MCTP2: variants seen among roughly 807,000 people sequenced by gnomAD.
MCTP2 encodes multiple C2 and transmembrane domain containing 2, also known as multiple C2 and transmembrane domain-containing protein 2.
Under a neutral mutation model 111.6 loss-of-function variants are expected in MCTP2, and 132 were observed. The observed-to-expected ratio is 1.18, with a 90% CI of 1.03 to 1.37. The LOEUF is 1.37. Among genes scored for constraint, MCTP2 ranks in the 40% most tolerant of loss-of-function variants. The pLI is 0.00. For synonymous variants in MCTP2, 395 were observed against 387.7 expected (o/e 1.02, Z -0.22); for missense variants, 1,183 against 1,067.9 (o/e 1.11, Z -1.50).
chr15:94,418,525 C>A (rs1236236483), intron 17 of MCTP2, among the ~76,000 whole-genome samples: 1 of 152,082 alleles, frequency 6.6e-6, no homozygotes, highest in African/African-American at 2.4e-5. Context: ...TGATTCTAGA[C>A]CTGAAATTAT....
At chr15:94,353,280 G>A (rs2078416044) in intron 8 of MCTP2, among the ~76,000 whole-genome samples, 1 of 152,176 alleles carries the variant, frequency 6.6e-6, no homozygotes, top group Non-Finnish European at 1.5e-5. Flanking sequence ...TGCAGCGAGT[G>A]TCCATGGATA....
chr15:94,319,212 G>A (rs770062010), intron 4 of MCTP2, among the ~76,000 whole-genome samples: 4 of 152,118 alleles, frequency 2.6e-5, no homozygotes, highest in African/African-American at 4.8e-5. Flanking sequence ...ATGATCTTGA[G>A]CCTGCTCAGG....
chr15:94,311,394 TTCTTC>T (rs1390063610), intron 2 of MCTP2, among the ~76,000 whole-genome samples: 1 of 152,172 alleles, frequency 6.6e-6, no homozygotes, highest in East Asian at 1.9e-4. Context: ...TAAATATTAA[TTCTTC>T]TCTTTTTAAT....
intron 2 of MCTP2, among the ~76,000 whole-genome samples, chr15:94,303,544 G>A (rs2075744569): frequency 6.6e-6 from 1 of 152,046 alleles, no homozygotes; most frequent in African/African-American, 2.4e-5. Flanking sequence ...TAATCAAGTT[G>A]ACATTCAGTA....
At chr15:94,263,422 T>C (rs1453319543) in intron 1 of MCTP2, among the ~76,000 whole-genome samples, 1 of 152,218 alleles carries the variant, frequency 6.6e-6, no homozygotes, top group Non-Finnish European at 1.5e-5. Flanking sequence ...TAATAGATAA[T>C]GGTATTGTGT....
At chr15:94,365,928 G>A (rs2079159244) in intron 10 of MCTP2, among the ~76,000 whole-genome samples, 2 of 152,134 alleles carry the variant, frequency 1.3e-5, no homozygotes, top group Non-Finnish European at 2.9e-5. Context: ...CCATAAGAAA[G>A]AGCTTTACTA....
chr15:94,375,765 G>A (rs1027637746), intron 12 of MCTP2, among the ~76,000 whole-genome samples: 2 of 152,098 alleles, frequency 1.3e-5, no homozygotes, highest in African/African-American at 4.8e-5. Flanking sequence ...GTTTCCAGAC[G>A]AGAAATCTAG....
At chr15:94,340,661 CTGTTT>C in intron 6 of MCTP2, 147 bp from the exon 7 acceptor site, 5 of 555,630 alleles carry the variant, frequency 9.0e-6, no homozygotes, top group Non-Finnish European at 1.3e-5. Context: ...CTGAATATAA[CTGTTT>C]TATTTTCACT....
chr15:94,425,909 T>C (rs899920123), intron 17 of MCTP2, among the ~76,000 whole-genome samples: 13 of 152,174 alleles, frequency 8.5e-5, no homozygotes, highest in Admixed American at 2.6e-4. Context: ...CTCAGGCAAC[T>C]TTAGAGGCAA....
chr15:94,388,053 A>T (rs1167423145), intron 14 of MCTP2, among the ~76,000 whole-genome samples: 3 of 152,120 alleles, frequency 2.0e-5, no homozygotes, highest in Admixed American at 6.5e-5. Context: ...GCTGGAGAGG[A>T]CCCTGGAGGA....
At chr15:94,432,864 G>A (rs139641140) in intron 17 of MCTP2, among the ~76,000 whole-genome samples, 1 of 152,326 alleles carries the variant, frequency 6.6e-6, no homozygotes, top group African/African-American at 2.4e-5. Flanking sequence ...TAGGCGAACA[G>A]CCATGTCATT....
intron 20 of MCTP2, among the ~76,000 whole-genome samples, chr15:94,459,758 T>A (rs1430691411): frequency 6.6e-6 from 1 of 152,222 alleles, no homozygotes; most frequent in Non-Finnish European, 1.5e-5. Context: ...TTTCAGACAC[T>A]GACTTGGTCT....
intron 14 of MCTP2, among the ~76,000 whole-genome samples, chr15:94,396,415 T>C (rs574881641): frequency 6.6e-6 from 1 of 152,114 alleles, no homozygotes; most frequent in Non-Finnish European, 1.5e-5. Context: ...TAAATATAAA[T>C]AATAAATTTT....
At position 94,383,731 on chromosome 15, in the gene MCTP2, G is replaced by C. The variant is rs147475362; in HGVS notation, c.1583-291G>C. Among the ~76,000 whole-genome samples the C allele has an allele frequency of 1.8e-4, 28 of 152,246 alleles. No individual in the cohort carries two copies. The East Asian group carries it at 3.7e-3, about 20-fold the overall frequency. On this transcript the variant is annotated intron_variant, in intron 12 of 22. Transcript: ENST00000357742. ...TTATCTCCCACCAGGTCCTTCCCAC[G>C]ACACATGGGAATTATGGGAGCTACA...
chr15:94,305,510 T>C lies in MCTP2; in HGVS notation c.465+6780T>C, dbSNP rs551064056. 2.6e-5 allele frequency among the ~76,000 whole-genome samples: 4 copies of C among 152,242 alleles called. No homozygotes were observed. The East Asian group carries it at 7.7e-4, about 29-fold the overall frequency. The stretch of plus-strand genomic sequence containing the variant: ...ATATATATATATATGTATGGGAGTG[T>C]ATATATATACCTTTTTATAGGTGTG... On this transcript the variant is annotated intron_variant, in intron 2 of 22. Coordinates refer to ENST00000357742, the MANE Select transcript of MCTP2 (RefSeq NM_001385001.1).
intron 19 of MCTP2, among the ~76,000 whole-genome samples, chr15:94,446,148 C>G (rs1329216071): frequency 6.6e-6 from 1 of 152,206 alleles, no homozygotes; most frequent in Non-Finnish European, 1.5e-5. Context: ...GATTAGACTT[C>G]ACAATTTTGC....
At position 94,235,728 on chromosome 15, in the gene MCTP2, T is replaced by TA. The variant is rs1195485858; in HGVS notation, c.-66+4065dup. ...AAATGTGAGAAAACTGAAAGAGAAA[T>TA]AGGAAATTGTCCGTAGTCACACAGC... On this transcript the variant is annotated intron_variant, in intron 1 of 22. Transcript: ENST00000357742. 2.6e-5 allele frequency among the ~76,000 whole-genome samples: 4 copies of TA among 152,256 alleles called. No individual in the cohort carries two copies. In the East Asian group the frequency reaches 7.7e-4, roughly 29 times the overall value.
At chr15:94,346,096 G>A (rs1007374870) in intron 8 of MCTP2, among the ~76,000 whole-genome samples, 1 of 152,144 alleles carries the variant, frequency 6.6e-6, no homozygotes, top group Non-Finnish European at 1.5e-5. Context: ...GCCACTGCCA[G>A]CTCAAAGACT....
At chr15:94,352,506 A>G (rs2078360223) in intron 8 of MCTP2, among the ~76,000 whole-genome samples, 1 of 152,194 alleles carries the variant, frequency 6.6e-6, no homozygotes, top group Non-Finnish European at 1.5e-5. Context: ...GGAGAAAAAT[A>G]ACAAAACCCT....
Sources: gnomAD v4.1 joint callset for allele counts (sites outside exome capture counted in the v4.1 genomes callset) on GRCh38, gnomAD v4.1.1 for gene constraint, MANE v1.5 for transcripts, NCBI Gene and HGNC (gene_info 2026-07-23, HGNC 2026-07-21) for gene names.